The following SORCS1 variants were observed in gnomAD, a reference collection of about 807,000 sequenced individuals.
SORCS1 encodes the protein VPS10 domain-containing receptor SorCS1.
Under a neutral mutation model 146.1 loss-of-function variants are expected in SORCS1, and 60 were observed. That is an observed-to-expected ratio of 0.41 (90% CI 0.33 to 0.51). SORCS1 has a LOEUF of 0.51. Among genes scored for constraint, SORCS1 ranks in the 20% least tolerant of loss-of-function variants. The pLI, the probability that SORCS1 is intolerant of heterozygous loss-of-function variation, is 0.21. For missense variants in SORCS1, 1,352 were observed against 1,487.6 expected, an observed-to-expected ratio of 0.91 and a Z score of 1.50; for synonymous variants, 637 against 584.0, an observed-to-expected ratio of 1.09 and a Z score of -1.31.
intron 2 of SORCS1, among the ~76,000 whole-genome samples, chr10:106,945,235 T>G (rs899633734): frequency 2.0e-5 from 3 of 151,988 alleles, no homozygotes; most frequent in African/African-American, 7.3e-5. Flanking sequence ...TAAAAAGAAG[T>G]TGGTATTTGG....
chr10:106,953,172 T>C (rs1380935562), intron 2 of SORCS1, among the ~76,000 whole-genome samples: 1 of 133,420 alleles, frequency 7.5e-6, no homozygotes, highest in Non-Finnish European at 1.6e-5. Context: ...TGTGTGTGTG[T>C]GTGCATGCGT....
intron 1 of SORCS1, among the ~76,000 whole-genome samples, chr10:107,162,848 A>G (rs144258994): frequency 1.3e-5 from 2 of 152,334 alleles, no homozygotes; most frequent in East Asian, 1.9e-4. Flanking sequence ...TATTACAAAC[A>G]CTACAATCTC....
chr10:106,730,480 T>A (rs1030643933), intron 5 of SORCS1, among the ~76,000 whole-genome samples: 2 of 152,208 alleles, frequency 1.3e-5, no homozygotes, highest in Non-Finnish European at 2.9e-5. Flanking sequence ...GCTGGGTGAC[T>A]TGATCAGCGA....
chr10:106,671,850 T>C (rs1365369707), intron 15 of SORCS1, among the ~76,000 whole-genome samples: 1 of 152,234 alleles, frequency 6.6e-6, no homozygotes, highest in African/African-American at 2.4e-5. Flanking sequence ...CAGATTTTAA[T>C]GTTCCTCTAC....
chr10:106,995,208 G>C (rs557525382), intron 1 of SORCS1, among the ~76,000 whole-genome samples: 110 of 152,014 alleles, frequency 7.2e-4, no homozygotes, highest in African/African-American at 2.5e-3. Context: ...CAGCTACTCG[G>C]GAGGCTGAGG....
chr10:106,936,805 GATA>G (rs1283810066), intron 2 of SORCS1, among the ~76,000 whole-genome samples: 3 of 152,176 alleles, frequency 2.0e-5, no homozygotes, highest in Non-Finnish European at 2.9e-5. Flanking sequence ...ACTCTAAGGG[GATA>G]ATGGAAAACA....
At chr10:106,616,609 T>G (rs1847381334) in intron 21 of SORCS1, among the ~76,000 whole-genome samples, 1 of 152,168 alleles carries the variant, frequency 6.6e-6, no homozygotes, top group African/African-American at 2.4e-5. Flanking sequence ...ACCTTGCTAA[T>G]GGGACATTGG....
At chr10:106,990,980 T>A (rs1319251150) in intron 1 of SORCS1, among the ~76,000 whole-genome samples, 3 of 152,246 alleles carry the variant, frequency 2.0e-5, no homozygotes, top group Non-Finnish European at 4.4e-5. Context: ...GGAACCTTCA[T>A]GCCTAGCCAT....
intron 3 of SORCS1, among the ~76,000 whole-genome samples, chr10:106,824,998 T>TA (rs1001353977): frequency 6.6e-6 from 1 of 152,160 alleles, no homozygotes; most frequent in African/African-American, 2.4e-5. Flanking sequence ...ACCACAAGGA[T>TA]AAAACAACTA....
At chr10:106,870,610 G>A (rs1950371167) in intron 2 of SORCS1, among the ~76,000 whole-genome samples, 1 of 152,190 alleles carries the variant, frequency 6.6e-6, no homozygotes, top group Non-Finnish European at 1.5e-5. Flanking sequence ...TTCAATAAAT[G>A]GTGCTGGAAT....
chr10:106,647,295 C>T (rs768877121), intron 18 of SORCS1, among the ~76,000 whole-genome samples: 18 of 151,248 alleles, frequency 1.2e-4, no homozygotes, highest in Non-Finnish European at 7.4e-5. Flanking sequence ...AAATTTATTT[C>T]CAAATTTGTG....
the SORCS1 span, among the ~76,000 whole-genome samples, chr10:107,180,225 A>G: frequency 6.6e-6 from 1 of 152,144 alleles, no homozygotes. Flanking sequence ...TTGAACAAAC[A>G]TCTTCAGTTT....
chr10:106,659,891 G>T (rs1447851199), intron 17 of SORCS1, among the ~76,000 whole-genome samples: 1 of 152,120 alleles, frequency 6.6e-6, no homozygotes, highest in East Asian at 1.9e-4. Flanking sequence ...TCTTAAGAAA[G>T]TTTTCTTCAG....
intron 2 of SORCS1, among the ~76,000 whole-genome samples, chr10:106,886,788 T>G (rs1392209730): frequency 6.6e-6 from 1 of 152,228 alleles, no homozygotes; most frequent in African/African-American, 2.4e-5. Context: ...AGTGGAAGTT[T>G]CTACTGTGAA....
chr10:106,833,979 G>GT (rs1288217449), intron 2 of SORCS1, among the ~76,000 whole-genome samples: 1 of 152,098 alleles, frequency 6.6e-6, no homozygotes, highest in Non-Finnish European at 1.5e-5. Context: ...ATTTTTAGTA[G>GT]AGATGGGGTT....
intron 5 of SORCS1, among the ~76,000 whole-genome samples, chr10:106,742,091 T>C (rs1857406511): frequency 2.0e-5 from 3 of 152,264 alleles, no homozygotes; most frequent in South Asian, 4.1e-4. Flanking sequence ...CAGTAAAGCT[T>C]GGAAGGGAGT....
chr10:107,044,552 C>T (rs1959213614), intron 1 of SORCS1, among the ~76,000 whole-genome samples: 1 of 146,304 alleles, frequency 6.8e-6, no homozygotes, highest in Non-Finnish European at 1.5e-5. Flanking sequence ...GGCAGGGCAC[C>T]GTGGCTCACA....
At chr10:106,841,499 T>C (rs1009713647) in intron 2 of SORCS1, among the ~76,000 whole-genome samples, 3 of 148,180 alleles carry the variant, frequency 2.0e-5, no homozygotes, top group African/African-American at 5.1e-5. Flanking sequence ...CACACACACA[T>C]TGTTTTTCTA....
intron 5 of SORCS1, among the ~76,000 whole-genome samples, chr10:106,745,952 C>A (rs1326124701): frequency 6.6e-6 from 1 of 152,134 alleles, no homozygotes; most frequent in Non-Finnish European, 1.5e-5. Context: ...CAATCTATAA[C>A]CCTGTAATCA....
Sources: gnomAD v4.1 joint callset for allele counts (sites outside exome capture counted in the v4.1 genomes callset) on GRCh38, gnomAD v4.1.1 for gene constraint, MANE v1.5 for transcripts, NCBI Gene and HGNC (gene_info 2026-07-23, HGNC 2026-07-21) for gene names.